The following CLSTN2 variants were observed in gnomAD, a reference collection of about 807,000 sequenced individuals.
CLSTN2 encodes the protein calsyntenin 2, also known as calsyntenin-2.
CLSTN2 carries 48 observed loss-of-function variants against 101.2 expected under a neutral mutation model. The ratio of observed to expected loss-of-function variants is 0.47; its 90% CI spans 0.38 to 0.60. CLSTN2 has a LOEUF of 0.60. CLSTN2 is among the 20% of genes least tolerant of loss of function. The pLI, the probability that CLSTN2 is intolerant of heterozygous loss-of-function variation, is 0.00. For missense variants in CLSTN2, 1,160 were observed against 1,238.2 expected (o/e 0.94, Z 0.95); for synonymous variants, 481 against 463.6 (o/e 1.04, Z -0.48).
intron 1 of CLSTN2, among the ~76,000 whole-genome samples, chr3:140,107,259 G>A (rs1248144271): frequency 1.3e-5 from 2 of 151,958 alleles, no homozygotes; most frequent in African/African-American, 2.4e-5. Context: ...TGTCCTTTGC[G>A]GTCTTTAATC....
At chr3:140,070,216 G>C (rs1459647816) in intron 1 of CLSTN2, among the ~76,000 whole-genome samples, 1 of 152,138 alleles carries the variant, frequency 6.6e-6, no homozygotes, top group Admixed American at 6.5e-5. Context: ...TCTCATATTT[G>C]GTGCAGAAGA....
At chr3:139,976,637 G>T (rs1935823533) in intron 1 of CLSTN2, among the ~76,000 whole-genome samples, 1 of 152,132 alleles carries the variant, frequency 6.6e-6, no homozygotes, top group African/African-American at 2.4e-5. Context: ...AATTCACTCA[G>T]CAGGGATAGC....
chr3:140,415,245 A>G (rs917170760), intron 4 of CLSTN2, among the ~76,000 whole-genome samples: 5 of 152,238 alleles, frequency 3.3e-5, no homozygotes, highest in Admixed American at 6.5e-5. Flanking sequence ...CTAGAAGAAA[A>G]TACAGGGAGA....
chr3:140,134,534 A>T (rs114853548), intron 1 of CLSTN2, among the ~76,000 whole-genome samples: 2,098 of 152,284 alleles, frequency 0.014, 47 homozygotes, highest in African/African-American at 0.046. Context: ...CCATAAAATA[A>T]TGTTTCCATA....
At chr3:140,401,771 C>A (rs558491899) in intron 2 of CLSTN2, among the ~76,000 whole-genome samples, 141 of 152,262 alleles carry the variant, frequency 9.3e-4, no homozygotes, top group Non-Finnish European at 1.8e-3. Context: ...GGGAGAGAAT[C>A]AAAAAGCAGC....
intron 1 of CLSTN2, among the ~76,000 whole-genome samples, chr3:140,051,336 C>T (rs2007986938): frequency 1.3e-5 from 2 of 152,218 alleles, no homozygotes; most frequent in Admixed American, 1.3e-4. Flanking sequence ...AACAATCACA[C>T]TTGGGTAAAA....
intron 2 of CLSTN2, among the ~76,000 whole-genome samples, chr3:140,303,067 T>C (rs1169706692): frequency 6.6e-6 from 1 of 152,150 alleles, no homozygotes; most frequent in Non-Finnish European, 1.5e-5. Flanking sequence ...GGGATGCATA[T>C]GAATAAAGGA....
intron 6 of CLSTN2, among the ~76,000 whole-genome samples, chr3:140,449,030 C>T (rs886934728): frequency 3.9e-5 from 6 of 152,180 alleles, no homozygotes; most frequent in African/African-American, 1.2e-4. Context: ...CCCAAAGAAA[C>T]ACGAGTTCCT....
At position 139,952,554 on chromosome 3, in the gene CLSTN2, G is replaced by A. The variant is rs1310602211; in HGVS notation, c.109+17071G>A. The stretch of plus-strand genomic sequence containing the variant: ...TATCCTGATTTGCTGAAATGGTTGA[G>A]CTTAGGAAAGGTAAAGTCCTGTCAG... On this transcript the variant is annotated intron_variant, in intron 1 of 16. Coordinates refer to ENST00000458420, the MANE Select transcript of CLSTN2 (RefSeq NM_022131.3). Among the ~76,000 whole-genome samples the A allele has an allele frequency of 5.9e-5, 9 of 152,226 alleles. No individual in the cohort carries two copies. In the South Asian group the frequency reaches 1.5e-3, roughly 25 times the overall value.
chr3:140,436,165 G>T (rs1299704825), intron 5 of CLSTN2, among the ~76,000 whole-genome samples: 1 of 152,186 alleles, frequency 6.6e-6, no homozygotes, highest in Non-Finnish European at 1.5e-5. Context: ...AGACTAATCA[G>T]TGTCCTAGAG....
chr3:140,193,242 C>A (rs1348702011), intron 2 of CLSTN2, among the ~76,000 whole-genome samples: 1 of 147,486 alleles, frequency 6.8e-6, no homozygotes, highest in African/African-American at 2.5e-5. Context: ...TCTGATGCTC[C>A]AAGGTTTCCT....
At chr3:140,563,721 G>A (rs971947687) in intron 15 of CLSTN2, among the ~76,000 whole-genome samples, 3 of 152,066 alleles carry the variant, frequency 2.0e-5, no homozygotes, top group Non-Finnish European at 4.4e-5. Flanking sequence ...GTGCCTATGT[G>A]GAAACTCACA....
intron 1 of CLSTN2, among the ~76,000 whole-genome samples, chr3:139,970,549 C>T (rs1402718030): frequency 1.3e-5 from 2 of 152,298 alleles, no homozygotes; most frequent in Admixed American, 6.5e-5. Context: ...TCATTTATTG[C>T]GTGCTCCTCT....
In CLSTN2 at chr3:140,571,747, G is replaced by C. The variant is rs1027757456; in HGVS notation, c.*5494G>C. The C allele has an allele frequency of 1.3e-5, 2 of 152,214 alleles. No individual in the cohort carries two copies. The highest frequency in any genetic ancestry group is 4.8e-5 in the African/African-American group (2 of 41,450). The allele number at this position is 152,214 out of a possible 1,614,324, so 9.4% of individuals were successfully genotyped here. A position where few individuals can be genotyped will look rare whatever the true frequency, so the allele number is the denominator to read the frequency against. ...AGATGTATTCTATACCTGCTATGTA[G>C]ATAATGCTCTAGTTTTCCCTTTAGT... On this transcript the variant is annotated 3_prime_UTR_variant, in exon 17 of 17. Transcript: ENST00000458420.
intron 10 of CLSTN2, among the ~76,000 whole-genome samples, chr3:140,553,897 G>A (rs1016766245): frequency 2.6e-5 from 4 of 152,150 alleles, no homozygotes; most frequent in Non-Finnish European, 4.4e-5. Context: ...CTCCCACAGC[G>A]CTTCACTAAA....
At chr3:140,546,787 A>C in intron 10 of CLSTN2, 106 bp downstream of exon 10, 1 of 1,113,224 alleles carries the variant, frequency 9.0e-7, no homozygotes, top group Non-Finnish European at 1.3e-6. Context: ...AACGTTACAC[A>C]GAAATGGCAA....
chr3:140,120,065 T>C (rs1322475037), intron 1 of CLSTN2, among the ~76,000 whole-genome samples: 1 of 152,172 alleles, frequency 6.6e-6, no homozygotes, highest in Non-Finnish European at 1.5e-5. Flanking sequence ...CCCTAAGCAG[T>C]GGATGCCAGC....
chr3:140,393,008 T>C (rs1219247016), intron 2 of CLSTN2, among the ~76,000 whole-genome samples: 1 of 152,056 alleles, frequency 6.6e-6, no homozygotes, highest in African/African-American at 2.4e-5. Context: ...TTTTCTTCTT[T>C]TTATAAATCC....
At chr3:140,178,383 C>T (rs555800568) in intron 2 of CLSTN2, among the ~76,000 whole-genome samples, 2 of 152,316 alleles carry the variant, frequency 1.3e-5, no homozygotes, top group South Asian at 4.1e-4. Context: ...AGAAACCCAC[C>T]AAATGCCTTT....
Sources: gnomAD v4.1 joint callset for allele counts (sites outside exome capture counted in the v4.1 genomes callset) on GRCh38, gnomAD v4.1.1 for gene constraint, MANE v1.5 for transcripts, NCBI Gene and HGNC (gene_info 2026-07-23, HGNC 2026-07-21) for gene names.